The following ANKRD17 variants were observed in gnomAD, a reference collection of about 807,000 sequenced individuals.
ANKRD17 encodes the protein ankyrin repeat domain-containing protein 17.
In ANKRD17, 19 loss-of-function variants were observed where a neutral mutation model predicts 229.7. The ratio of observed to expected loss-of-function variants is 0.08; its 90% confidence interval spans 0.06 to 0.12. The LOEUF is 0.12. ANKRD17 is among the 10% of genes least tolerant of loss of function. The pLI, the probability that ANKRD17 is intolerant of heterozygous loss-of-function variation, is 1.00. For missense variants in ANKRD17, 2,176 were observed against 3,176.8 expected (o/e 0.68, Z 7.57); for synonymous variants, 1,112 against 1,146.1 (o/e 0.97, Z 0.60).
At chr4:73,095,245 T>G (rs1229809767) in intron 27 of ANKRD17, among the ~76,000 whole-genome samples, 1 of 152,060 alleles carries the variant, frequency 6.6e-6, no homozygotes, top group African/African-American at 2.4e-5. Flanking sequence ...TCCACAAATA[T>G]GAAAACTTTC....
At chr4:73,102,618 T>C (rs199725920) in intron 24 of ANKRD17, 71 bp from the exon 25 acceptor site, 17 of 1,517,096 alleles carry the variant, frequency 1.1e-5, no homozygotes, top group Non-Finnish European at 1.5e-5. Flanking sequence ...CACATAATCA[T>C]TTAATCATAA....
At chr4:73,244,382 T>C (rs553103850) in intron 1 of ANKRD17, among the ~76,000 whole-genome samples, 3 of 152,246 alleles carry the variant, frequency 2.0e-5, no homozygotes, top group East Asian at 3.9e-4. Context: ...AATAAAACTT[T>C]CTGTGATGGA....
Position 73,191,341 on chromosome 4 carries a change from A to ATATGTGTGTGTGTG in ANKRD17, c.394-13809_394-13808insCACACACACACATA, listed in dbSNP as rs1553933228. On this transcript the variant is annotated intron_variant, in intron 1 of 33. Coordinates refer to ENST00000358602, the MANE Select transcript of ANKRD17 (RefSeq NM_032217.5). The stretch of plus-strand genomic sequence containing the variant: ...AATAGGCCCCTACCAAAAAATATAT[A>ATATGTGTGTGTGTG]TGTGTGTGTGTGTGTGTGTGTGTGT... 1.1e-3 allele frequency among the ~76,000 whole-genome samples: 132 copies of ATATGTGTGTGTGTG among 125,286 alleles called. 1 individual carries two copies. The highest frequency in any genetic ancestry group is 3.2e-3 in the East Asian group (13 of 4,088). 82.2% of individuals were successfully genotyped at this position (125,286 alleles called of 152,430 possible).
chr4:73,093,437 G>T (rs1485469044), intron 28 of ANKRD17, among the ~76,000 whole-genome samples: 1 of 144,824 alleles, frequency 6.9e-6, no homozygotes, highest in African/African-American at 2.6e-5. Flanking sequence ...GAGTCCAATG[G>T]CTCGATCTCG....
chr4:73,142,903 A>T, intron 11 of ANKRD17, 136 bp from the exon 12 acceptor site: 1 of 951,610 alleles, frequency 1.1e-6, no homozygotes, highest in Non-Finnish European at 1.5e-6. Flanking sequence ...TTTAATGATT[A>T]TAAACACAAG....
At chr4:73,220,540 C>T (rs766207585) in intron 1 of ANKRD17, among the ~76,000 whole-genome samples, 13 of 151,942 alleles carry the variant, frequency 8.6e-5, no homozygotes, top group Admixed American at 2.0e-4. Context: ...TATATGTGGG[C>T]ATATATAATC....
In ANKRD17 at chr4:73,090,727, C is replaced by A; in HGVS notation, c.6901G>T (p.Asp2301Tyr). Residue 2301 changes from aspartate to tyrosine, a missense_variant, in exon 29 of 34, where the codon GAT becomes TAT. By Grantham distance (160) the Asp-to-Tyr change is radical (BLOSUM62 -3). This residue lies in a region of ANKRD17 where 424 missense variants were observed against 454.0 expected (regional missense o/e 0.93). Transcript: ENST00000358602. ...LPNSDPLHQS[D>Y]TSKAPGFRPP... ...CTAAAACCTGGAGCTTTGGAAGTAT[C>A]AGACTGATGTAAAGGATCTGAATTT... 1 of 1,614,156 alleles carries A rather than the reference C, an allele frequency of 6.2e-7. No homozygotes were observed. Among genetic ancestry groups the A allele is most frequent in the Non-Finnish European group, 8.5e-7 (1 of 1,180,030 alleles).
At chr4:73,139,001 T>A (rs1729272582) in intron 15 of ANKRD17, among the ~76,000 whole-genome samples, 1 of 152,050 alleles carries the variant, frequency 6.6e-6, no homozygotes, top group Non-Finnish European at 1.5e-5. Context: ...ACATACAGTA[T>A]AATTAAACCC....
At position 73,160,461 on chromosome 4, in the gene ANKRD17, C is replaced by T. The variant is rs190584821; in HGVS notation, c.704+731G>A. 8.4e-3 allele frequency among the ~76,000 whole-genome samples: 1,284 copies of T among 152,066 alleles called. 11 individuals carry two copies. Among genetic ancestry groups the T allele is most frequent in the Non-Finnish European group, 0.013 (915 of 67,968 alleles). ...CTTGAACTCCTGACCTCAGGTGATC[C>T]GCCCGCCTCGGCCTCCAAAGTGCTG... On this transcript the variant is annotated intron_variant, in intron 3 of 33. Transcript: ENST00000358602.
At position 73,113,392 on chromosome 4, in the gene ANKRD17, T is replaced by C. The variant is rs139796382; in HGVS notation, c.4401+400A>G. On this transcript the variant is annotated intron_variant, in intron 24 of 33. Coordinates refer to ENST00000358602, the MANE Select transcript of ANKRD17 (RefSeq NM_032217.5). ...ATTCCAAGATTTGTATTTCACTAGT[T>C]GGTTATGCCTTGGTAGTGCATTTGG... is the stretch of plus-strand genomic sequence containing the variant. The C allele has an allele frequency of 3.6e-4, 460 of 1,290,032 alleles. 1 individual carries two copies. Among genetic ancestry groups the C allele is most frequent in the Admixed American group, 2.6e-3 (114 of 43,572 alleles). 79.9% of individuals were successfully genotyped at this position (1,290,032 alleles called of 1,614,324 possible). A position where few individuals can be genotyped will look rare whatever the true frequency, so the allele number is the denominator to read the frequency against.
intron 14 of ANKRD17, among the ~76,000 whole-genome samples, chr4:73,140,643 CAG>C (rs973312729): frequency 2.9e-4 from 44 of 152,024 alleles, no homozygotes; most frequent in African/African-American, 9.2e-4. Flanking sequence ...ATCATAAGAA[CAG>C]AACAATAATG....
chr4:73,142,575 G>A (rs1729748808), intron 12 of ANKRD17, 65 bp downstream of exon 12: 6 of 1,610,682 alleles, frequency 3.7e-6, no homozygotes, highest in Non-Finnish European at 5.1e-6. Context: ...TACATGATAT[G>A]TTGTAACAAT....
At chr4:73,237,526 G>A (rs1027663802) in intron 1 of ANKRD17, among the ~76,000 whole-genome samples, 1 of 152,154 alleles carries the variant, frequency 6.6e-6, no homozygotes, top group Non-Finnish European at 1.5e-5. Flanking sequence ...TGGACTGTGA[G>A]GTGGGGATCT....
intron 1 of ANKRD17, among the ~76,000 whole-genome samples, chr4:73,240,934 G>C (rs112362899): frequency 1.3e-5 from 2 of 148,968 alleles, no homozygotes; most frequent in African/African-American, 2.5e-5. Flanking sequence ...TCAGCCTCCC[G>C]AGTAGCTGGG....
chr4:73,120,854 A>C, intron 20 of ANKRD17, 27 bp downstream of exon 20: 1 of 1,590,800 alleles, frequency 6.3e-7, no homozygotes, highest in South Asian at 1.1e-5. Context: ...CAATAAATTC[A>C]TGTGTAAATC....
intron 1 of ANKRD17, among the ~76,000 whole-genome samples, chr4:73,229,651 A>C (rs1742861842): frequency 6.6e-6 from 1 of 151,630 alleles, no homozygotes; most frequent in South Asian, 2.1e-4. Context: ...ATATATATAT[A>C]TACAGCTGAT....
intron 1 of ANKRD17, among the ~76,000 whole-genome samples, chr4:73,240,141 C>A (rs1560776511): frequency 6.6e-6 from 1 of 152,054 alleles, no homozygotes; most frequent in Non-Finnish European, 1.5e-5. Flanking sequence ...TAGAGATTTT[C>A]AAGTTCAAAG....
At chr4:73,098,033 G>A in intron 26 of ANKRD17, 40 bp downstream of exon 26, 1 of 1,518,342 alleles carries the variant, frequency 6.6e-7, no homozygotes, top group East Asian at 2.3e-5. Context: ...GGTATTTCAT[G>A]ATGACACTAT....
chr4:73,083,047 TAC>T (rs370498449), intron 30 of ANKRD17, among the ~76,000 whole-genome samples: 1 of 152,184 alleles, frequency 6.6e-6, no homozygotes, highest in East Asian at 1.9e-4. Context: ...AAAATAATTT[TAC>T]ACACACACAG....
Sources: allele counts gnomAD v4.1 joint callset (sites outside exome capture counted in the v4.1 genomes callset), GRCh38; gene constraint gnomAD v4.1.1; regional missense constraint gnomAD v4.1.1; transcripts MANE v1.5; gene names NCBI Gene and HGNC (gene_info 2026-07-23, HGNC 2026-07-21).